STMN2: variants seen among roughly 807,000 people sequenced by gnomAD.
The protein encoded by STMN2 is stathmin 2, also known as stathmin-2.
A neutral mutation model predicts 24.1 loss-of-function variants in STMN2; 2 were observed. The observed-to-expected ratio is 0.08, with a 90% CI of 0.03 to 0.26. The LOEUF (loss-of-function observed/expected upper bound fraction) is 0.26. Ranked by LOEUF, STMN2 falls within the 10% of genes least tolerant of loss-of-function variation. STMN2 has a pLI of 1.00. For missense variants in STMN2, 114 were observed against 213.6 expected (o/e 0.53, Z 2.91); for synonymous variants, 83 against 77.5 (o/e 1.07, Z -0.37).
At chr8:79,638,057 G>A (rs933843174) in intron 2 of STMN2, among the ~76,000 whole-genome samples, 2 of 152,210 alleles carry the variant, frequency 1.3e-5, no homozygotes, top group South Asian at 2.1e-4. Flanking sequence ...AAATTCATTC[G>A]GTCAGCAAAT....
At chr8:79,618,361 T>A (rs1021408377) in intron 1 of STMN2, among the ~76,000 whole-genome samples, 1 of 152,188 alleles carries the variant, frequency 6.6e-6, no homozygotes, top group Non-Finnish European at 1.5e-5. Context: ...GGGAACACAC[T>A]CTGATGACCA....
At chr8:79,615,167 TA>T (rs2130291998) in intron 1 of STMN2, among the ~76,000 whole-genome samples, 1 of 152,352 alleles carries the variant, frequency 6.6e-6, no homozygotes, top group East Asian at 1.9e-4. Context: ...AATCGATACA[TA>T]TTGAATGGAA....
chr8:79,650,959 G>T (rs533054650), intron 3 of STMN2, among the ~76,000 whole-genome samples: 3 of 152,240 alleles, frequency 2.0e-5, no homozygotes, highest in African/African-American at 7.2e-5. Context: ...AAAAAATATT[G>T]AATGCTTATG....
chr8:79,612,969 C>A (rs905589044), intron 1 of STMN2, among the ~76,000 whole-genome samples: 10 of 152,180 alleles, frequency 6.6e-5, no homozygotes, highest in Non-Finnish European at 1.3e-4. Flanking sequence ...CCGAGCCCCT[C>A]CCAGCCAAGC....
At chr8:79,623,766 G>A (rs1270032949) in intron 1 of STMN2, among the ~76,000 whole-genome samples, 3 of 152,050 alleles carry the variant, frequency 2.0e-5, no homozygotes, top group Non-Finnish European at 4.4e-5. Flanking sequence ...CACTAAGCAG[G>A]AGAGTTCAGC....
chr8:79,616,306 C>T (rs1390637228), intron 1 of STMN2, among the ~76,000 whole-genome samples: 2 of 151,966 alleles, frequency 1.3e-5, no homozygotes, highest in East Asian at 1.9e-4. Context: ...ATTAGAAAAT[C>T]GATGTTAATT....
chr8:79,632,520 G>A (rs1261492141), intron 1 of STMN2, among the ~76,000 whole-genome samples: 2 of 152,166 alleles, frequency 1.3e-5, no homozygotes, highest in Admixed American at 6.5e-5. Context: ...CAGCAGAGCC[G>A]TCCTGAGCAC....
intron 4 of STMN2, among the ~76,000 whole-genome samples, chr8:79,661,795 A>C (rs1401425695): frequency 1.3e-5 from 2 of 152,066 alleles, no homozygotes; most frequent in Non-Finnish European, 2.9e-5. Context: ...AAACCTTTTT[A>C]CTATCTGCCC....
At position 79,641,270 on chromosome 8, in the gene STMN2, A is replaced by G. The variant is rs528731691; in HGVS notation, c.116-108A>G. ...TGCTCATAAACAGCATTTTATTCCT[A>G]TCTCCCGGAATAACAACGCTACTTC... On this transcript the variant is annotated intron_variant, in intron 2 of 4. Transcript: ENST00000220876. The G allele has an allele frequency of 5.5e-5, 66 of 1,193,582 alleles. No homozygotes were observed. In the South Asian group the frequency reaches 8.2e-4, roughly 15 times the overall value. 73.9% of individuals were successfully genotyped at this position (1,193,582 alleles called of 1,614,324 possible). A position where few individuals can be genotyped will look rare whatever the true frequency, so the allele number is the denominator to read the frequency against.
chr8:79,630,079 C>T (rs1809763525), intron 1 of STMN2, among the ~76,000 whole-genome samples: 2 of 152,172 alleles, frequency 1.3e-5, no homozygotes, highest in Admixed American at 6.5e-5. Flanking sequence ...CTTAATCTGA[C>T]TCTGTGTCTT....
chr8:79,632,841 A>C (rs1260604879), intron 1 of STMN2, among the ~76,000 whole-genome samples: 3 of 152,234 alleles, frequency 2.0e-5, no homozygotes, highest in Admixed American at 2.0e-4. Flanking sequence ...AAATTAAATA[A>C]CAACAAAATG....
intron 1 of STMN2, among the ~76,000 whole-genome samples, chr8:79,624,453 C>CAAAAAAAAAAAAAAAAAAAAAAAAAAA (rs1011493193): frequency 3.1e-4 from 14 of 45,126 alleles, no homozygotes; most frequent in Non-Finnish European, 5.0e-4. Flanking sequence ...GACTCCGTCT[C>CAAAAAAAAAAAAAAAAAAAAAAAAAAA]AAAAAAAAAA....
intron 4 of STMN2, among the ~76,000 whole-genome samples, chr8:79,662,729 A>G (rs1002861432): frequency 7.9e-5 from 12 of 152,124 alleles, no homozygotes; most frequent in Non-Finnish European, 2.9e-5. Flanking sequence ...TTTGAGTTTA[A>G]CAAGAAGTGT....
intron 1 of STMN2, 21 bp downstream of exon 1, chr8:79,611,235 C>T: frequency 6.2e-7 from 1 of 1,613,884 alleles, no homozygotes. Context: ...GCGCCTCGTT[C>T]TCCGTCGGCT....
At chr8:79,615,232 A>G (rs1299656345) in intron 1 of STMN2, among the ~76,000 whole-genome samples, 3 of 152,218 alleles carry the variant, frequency 2.0e-5, no homozygotes, top group Non-Finnish European at 4.4e-5. Flanking sequence ...GGATTTATCA[A>G]TCACCATTAT....
intron 4 of STMN2, among the ~76,000 whole-genome samples, chr8:79,656,268 G>T (rs987182712): frequency 6.6e-6 from 1 of 152,198 alleles, no homozygotes; most frequent in African/African-American, 2.4e-5. Context: ...AAGACACTGA[G>T]GCTCTCAGAG....
At chr8:79,664,733 T>A in intron 4 of STMN2, 82 bp from the exon 5 acceptor site, 1 of 1,369,684 alleles carries the variant, frequency 7.3e-7, no homozygotes, top group South Asian at 1.4e-5. Flanking sequence ...CCAAACTGGG[T>A]TACTTCTAGT....
chr8:79,662,598 A>T (rs1237404836), intron 4 of STMN2, among the ~76,000 whole-genome samples: 2 of 152,114 alleles, frequency 1.3e-5, no homozygotes, highest in African/African-American at 4.8e-5. Context: ...AAAATGCCTG[A>T]AAACAAATAA....
At chr8:79,660,658 T>C (rs1039188627) in intron 4 of STMN2, among the ~76,000 whole-genome samples, 1 of 152,134 alleles carries the variant, frequency 6.6e-6, no homozygotes, top group African/African-American at 2.4e-5. Flanking sequence ...GTACCTGTTT[T>C]GTAAATGTCA....
Sources: gnomAD v4.1 joint callset for allele counts (sites outside exome capture counted in the v4.1 genomes callset) on GRCh38, gnomAD v4.1.1 for gene constraint, MANE v1.5 for transcripts, NCBI Gene and HGNC (gene_info 2026-07-23, HGNC 2026-07-21) for gene names.